DACH1: variants seen among roughly 807,000 people sequenced by gnomAD.
The protein encoded by DACH1 is dachshund family transcription factor 1.
A neutral mutation model predicts 54.2 loss-of-function variants in DACH1; 12 were observed. The ratio of observed to expected loss-of-function variants is 0.22; its 90% CI spans 0.14 to 0.36. The LOEUF is 0.36. Ranked by LOEUF, DACH1 falls within the 10% of genes least tolerant of loss-of-function variation. DACH1 has a pLI of 1.00. For synonymous variants in DACH1, 386 were observed against 366.2 expected (o/e 1.05, Z -0.62); for missense variants, 805 against 929.8 (o/e 0.87, Z 1.75).
At chr13:71,738,836 T>A (rs1445534815) in intron 1 of DACH1, among the ~76,000 whole-genome samples, 1 of 145,464 alleles carries the variant, frequency 6.9e-6, no homozygotes, top group Non-Finnish European at 1.5e-5. Flanking sequence ...GATCTGGCAA[T>A]GAAGAAGTTG....
At chr13:71,659,179 T>C (rs1236263047) in intron 2 of DACH1, among the ~76,000 whole-genome samples, 1 of 151,998 alleles carries the variant, frequency 6.6e-6, no homozygotes, top group Non-Finnish European at 1.5e-5. Flanking sequence ...GGAAACAAGG[T>C]AGGAAGGAAG....
At chr13:71,779,234 T>TAC (rs1268796734) in intron 1 of DACH1, among the ~76,000 whole-genome samples, 26 of 83,656 alleles carry the variant, frequency 3.1e-4, no homozygotes, top group East Asian at 1.3e-3. Flanking sequence ...TACGTATATA[T>TAC]ACACATATAT....
At chr13:71,656,820 A>G (rs1430857742) in intron 2 of DACH1, among the ~76,000 whole-genome samples, 2 of 148,350 alleles carry the variant, frequency 1.3e-5, no homozygotes, top group Non-Finnish European at 3.0e-5. Context: ...ATAGATAGAC[A>G]GATAGATAGA....
At chr13:71,622,015 T>A (rs1876282914) in intron 3 of DACH1, among the ~76,000 whole-genome samples, 1 of 152,072 alleles carries the variant, frequency 6.6e-6, no homozygotes, top group Non-Finnish European at 1.5e-5. Context: ...TGGGTTCATT[T>A]AGTGGGGATG....
intron 3 of DACH1, among the ~76,000 whole-genome samples, chr13:71,610,428 T>A (rs1202908727): frequency 1.3e-5 from 2 of 152,284 alleles, no homozygotes; most frequent in East Asian, 1.9e-4. Flanking sequence ...AAAATCTAGT[T>A]TTTGTTTTGT....
At chr13:71,728,322 C>T (rs531008194) in intron 1 of DACH1, among the ~76,000 whole-genome samples, 1 of 151,996 alleles carries the variant, frequency 6.6e-6, no homozygotes, top group African/African-American at 2.4e-5. Flanking sequence ...ATTTAGAACC[C>T]AAAATTAGAA....
In DACH1 at chr13:71,438,613, C is replaced by T. The variant is rs1329589264; in HGVS notation, c.*2042G>A. On this transcript the variant is annotated 3_prime_UTR_variant, in exon 11 of 11. Transcript: ENST00000613252. ...TAATCCACATAACAAACAGGTGACT[C>T]TATGCCAGGAGCAGAGCAATGGCTG... is the stretch of plus-strand genomic sequence containing the variant. 1 of 152,300 alleles carries T rather than the reference C, an allele frequency of 6.6e-6. No individual in the cohort carries two copies. The highest frequency in any genetic ancestry group is 2.4e-5 in the African/African-American group (1 of 41,416). 9.4% of individuals were successfully genotyped at this position (152,300 alleles called of 1,614,324 possible). A position where few individuals can be genotyped will look rare whatever the true frequency, so the allele number is the denominator to read the frequency against.
At chr13:71,500,239 G>C (rs1879797160) in intron 6 of DACH1, among the ~76,000 whole-genome samples, 1 of 152,106 alleles carries the variant, frequency 6.6e-6, no homozygotes, top group African/African-American at 2.4e-5. Flanking sequence ...GGGAGGAAGA[G>C]TTGTCTCATA....
chr13:71,742,290 C>A (rs1195931944), intron 1 of DACH1, among the ~76,000 whole-genome samples: 1 of 152,040 alleles, frequency 6.6e-6, no homozygotes, highest in Non-Finnish European at 1.5e-5. Flanking sequence ...ATACATAGCC[C>A]CACAGATTAG....
chr13:71,561,066 G>A (rs1030661859), intron 4 of DACH1, among the ~76,000 whole-genome samples: 1 of 152,078 alleles, frequency 6.6e-6, no homozygotes, highest in Admixed American at 6.6e-5. Context: ...AACTTAATAC[G>A]GAAAACAAAT....
chr13:71,797,107 G>A (rs1262494441), intron 1 of DACH1, among the ~76,000 whole-genome samples: 1 of 151,382 alleles, frequency 6.6e-6, no homozygotes, highest in Non-Finnish European at 1.5e-5. Flanking sequence ...TGTTAACTCA[G>A]GTATGATCAT....
chr13:71,549,962 G>A (rs547623627), intron 6 of DACH1, among the ~76,000 whole-genome samples: 1 of 152,102 alleles, frequency 6.6e-6, no homozygotes, highest in African/African-American at 2.4e-5. Context: ...TACAATCATT[G>A]ACATATAAAA....
At chr13:71,732,058 A>G (rs556083643) in intron 1 of DACH1, among the ~76,000 whole-genome samples, 19 of 152,166 alleles carry the variant, frequency 1.2e-4, no homozygotes, top group Non-Finnish European at 1.9e-4. Context: ...TATGTTAACT[A>G]TATTTGATCT....
chr13:71,718,960 T>G (rs553618679), intron 1 of DACH1, among the ~76,000 whole-genome samples: 1 of 152,316 alleles, frequency 6.6e-6, no homozygotes, highest in African/African-American at 2.4e-5. Flanking sequence ...AGAAGATTTT[T>G]AAGTAATAGC....
At chr13:71,842,627 T>C (rs978034756) in intron 1 of DACH1, among the ~76,000 whole-genome samples, 29 of 151,498 alleles carry the variant, frequency 1.9e-4, no homozygotes, top group Admixed American at 1.4e-3. Context: ...AGCAGAGTAA[T>C]GTGACAAGTA....
At chr13:71,452,092 T>G (rs1875112437) in intron 10 of DACH1, among the ~76,000 whole-genome samples, 1 of 152,130 alleles carries the variant, frequency 6.6e-6, no homozygotes, top group African/African-American at 2.4e-5. Context: ...TTCCTGGACT[T>G]CTCTAAGTTT....
chr13:71,457,721 C>T (rs547945917), intron 10 of DACH1, among the ~76,000 whole-genome samples: 1 of 152,076 alleles, frequency 6.6e-6, no homozygotes, highest in African/African-American at 2.4e-5. Flanking sequence ...AGTGGCTTGA[C>T]TCACTTCTCA....
intron 2 of DACH1, among the ~76,000 whole-genome samples, chr13:71,661,474 T>C (rs926466655): frequency 4.6e-5 from 7 of 151,966 alleles, no homozygotes; most frequent in Non-Finnish European, 1.5e-5. Context: ...ACTATGTATA[T>C]GATTAGACAG....
intron 1 of DACH1, among the ~76,000 whole-genome samples, chr13:71,697,274 A>C (rs1881881772): frequency 6.6e-6 from 1 of 152,230 alleles, no homozygotes. Context: ...GGGTGAAGGA[A>C]GGAATGGATA....
Sources: gnomAD v4.1 joint callset for allele counts (sites outside exome capture counted in the v4.1 genomes callset) on GRCh38, gnomAD v4.1.1 for gene constraint, MANE v1.5 for transcripts, NCBI Gene and HGNC (gene_info 2026-07-23, HGNC 2026-07-21) for gene names.